Variants in NCAM2 observed in about 807,000 individuals in gnomAD.
NCAM2 encodes the protein neural cell adhesion molecule 2, also known as N-CAM-2.
A neutral mutation model predicts 98.1 loss-of-function variants in NCAM2; 30 were observed. The ratio of observed to expected loss-of-function variants is 0.31; its 90% CI spans 0.23 to 0.41. The LOEUF (loss-of-function observed/expected upper bound fraction) is 0.41, where lower values mean the gene tolerates loss of function less well. Ranked by LOEUF, NCAM2 falls within the 10% of genes least tolerant of loss-of-function variation. The pLI is 1.00. For synonymous variants in NCAM2, 368 were observed against 342.4 expected, an observed-to-expected ratio of 1.07 and a Z score of -0.83; for missense variants, 867 against 1,005.8, an observed-to-expected ratio of 0.86 and a Z score of 1.87.
chr21:21,070,687 C>CTAAT (rs1213619265), intron 1 of NCAM2, among the ~76,000 whole-genome samples: 1 of 152,006 alleles, frequency 6.6e-6, no homozygotes, highest in East Asian at 1.9e-4. Flanking sequence ...ATTAGGTGGT[C>CTAAT]AGTGTAGAGT....
intron 6 of NCAM2, among the ~76,000 whole-genome samples, chr21:21,333,048 A>T (rs2074759650): frequency 6.6e-6 from 1 of 152,206 alleles, no homozygotes; most frequent in Non-Finnish European, 1.5e-5. Context: ...TTGAGTTTCA[A>T]AGAATGGGCT....
Position 21,400,094 on chromosome 21 carries a change from A to G in NCAM2, c.1196-10180A>G, listed in dbSNP as rs183543937. Among the ~76,000 whole-genome samples, 25 of 152,280 alleles carry G rather than the reference A, an allele frequency of 1.6e-4. No homozygotes were observed. In the East Asian group the frequency reaches 4.3e-3, roughly 26 times the overall value. ...AAGACATGCTTTAAATTGACACCCT[A>G]TTATAGTTTCTTTGGTGTCTCCTAG... On this transcript the variant is annotated intron_variant, in intron 9 of 17. Coordinates refer to ENST00000400546, the MANE Select transcript of NCAM2 (RefSeq NM_004540.5).
intron 5 of NCAM2, among the ~76,000 whole-genome samples, chr21:21,296,151 A>G (rs1741745172): frequency 6.6e-6 from 1 of 151,892 alleles, no homozygotes; most frequent in African/African-American, 2.4e-5. Context: ...TTAGACACTT[A>G]GAGTTGTAGC....
At chr21:21,516,501 A>G (rs1222327999) in intron 16 of NCAM2, among the ~76,000 whole-genome samples, 1 of 152,146 alleles carries the variant, frequency 6.6e-6, no homozygotes, top group East Asian at 1.9e-4. Context: ...CTTTTTAAAT[A>G]TTGAAATTCT....
chr21:21,134,221 ACCATGC>A (rs1487893282), intron 1 of NCAM2, among the ~76,000 whole-genome samples: 2 of 151,934 alleles, frequency 1.3e-5, no homozygotes, highest in Non-Finnish European at 2.9e-5. Flanking sequence ...AGTGCACGCC[ACCATGC>A]CTGGCTAATT....
At chr21:21,499,773 C>A (rs994415583) in intron 15 of NCAM2, among the ~76,000 whole-genome samples, 1 of 151,972 alleles carries the variant, frequency 6.6e-6, no homozygotes, top group Admixed American at 6.6e-5. Flanking sequence ...CCTAAAAGAG[C>A]ATTTTCATTA....
chr21:21,165,613 C>G (rs900377641), intron 1 of NCAM2, among the ~76,000 whole-genome samples: 3 of 152,234 alleles, frequency 2.0e-5, no homozygotes, highest in Admixed American at 6.5e-5. Flanking sequence ...TTGGGGTAAC[C>G]GAGGCCTGCT....
At chr21:21,373,695 T>TA (rs914043991) in intron 8 of NCAM2, among the ~76,000 whole-genome samples, 168 bp from the exon 9 acceptor site, 22 of 151,608 alleles carry the variant, frequency 1.5e-4, no homozygotes, top group Admixed American at 1.3e-3. Context: ...GTGTGCTTTT[T>TA]AAAAAAAACT....
intron 1 of NCAM2, among the ~76,000 whole-genome samples, chr21:21,003,118 T>C (rs2064049697): frequency 6.6e-6 from 1 of 152,224 alleles, no homozygotes; most frequent in South Asian, 2.1e-4. Flanking sequence ...TAATCACAAA[T>C]AGATATCAAC....
At chr21:21,369,960 G>A (rs922049296) in intron 8 of NCAM2, among the ~76,000 whole-genome samples, 19 of 151,580 alleles carry the variant, frequency 1.3e-4, no homozygotes, top group African/African-American at 4.4e-4. Context: ...TACAACTCAT[G>A]CAACTGCACA....
intron 5 of NCAM2, among the ~76,000 whole-genome samples, chr21:21,297,435 C>A (rs1299780413): frequency 1.3e-5 from 2 of 151,690 alleles, no homozygotes; most frequent in Non-Finnish European, 2.9e-5. Context: ...TGTTCATGAA[C>A]CTCTGAGTAA....
intron 15 of NCAM2, among the ~76,000 whole-genome samples, chr21:21,504,929 T>C (rs1987884890): frequency 6.6e-6 from 1 of 151,878 alleles, no homozygotes; most frequent in Non-Finnish European, 1.5e-5. Flanking sequence ...ATCTTTCGTG[T>C]TACAAATAAT....
chr21:21,274,182 A>C (rs8133487), intron 1 of NCAM2, among the ~76,000 whole-genome samples: 1 of 149,412 alleles, frequency 6.7e-6, no homozygotes, highest in Non-Finnish European at 1.5e-5. Context: ...AAAAAAAAAA[A>C]TTTTAATCAC....
chr21:21,442,792 A>T (rs181747908), intron 12 of NCAM2, among the ~76,000 whole-genome samples: 5 of 152,326 alleles, frequency 3.3e-5, no homozygotes, highest in Admixed American at 2.6e-4. Context: ...TTCTAAATTT[A>T]TGGGGAATTT....
At chr21:21,474,443 A>G (rs1984880484) in intron 14 of NCAM2, among the ~76,000 whole-genome samples, 3 of 152,050 alleles carry the variant, frequency 2.0e-5, no homozygotes, top group Non-Finnish European at 4.4e-5. Flanking sequence ...ATTTCCAAAA[A>G]TGGTATTTTT....
chr21:21,024,782 G>C (rs917034642), intron 1 of NCAM2, among the ~76,000 whole-genome samples: 3 of 151,988 alleles, frequency 2.0e-5, no homozygotes, highest in African/African-American at 7.2e-5. Flanking sequence ...AGCTAGCTGG[G>C]AAGCTGAGGC....
At chr21:21,450,451 C>T (rs184434958) in intron 12 of NCAM2, among the ~76,000 whole-genome samples, 3,391 of 151,880 alleles carry the variant, frequency 0.022, 118 homozygotes, top group African/African-American at 0.077. Context: ...CTCAAGCGAT[C>T]TTCCCACCTC....
chr21:21,100,725 ACC>A (rs1051046896), intron 1 of NCAM2, among the ~76,000 whole-genome samples: 1 of 151,752 alleles, frequency 6.6e-6, no homozygotes, highest in Admixed American at 6.6e-5. Context: ...CTGCCCTTTA[ACC>A]CCCTTTCTGT....
intron 8 of NCAM2, among the ~76,000 whole-genome samples, chr21:21,348,304 A>G (rs370266128): frequency 6.6e-6 from 1 of 152,156 alleles, no homozygotes; most frequent in African/African-American, 2.4e-5. Flanking sequence ...TAGCATTTTT[A>G]TATGTCAGCA....
Sources: gnomAD v4.1 joint callset for allele counts (sites outside exome capture counted in the v4.1 genomes callset) on GRCh38, gnomAD v4.1.1 for gene constraint, MANE v1.5 for transcripts, NCBI Gene and HGNC (gene_info 2026-07-23, HGNC 2026-07-21) for gene names.